Variants in RGS8 observed in about 807,000 individuals in gnomAD.
RGS8 encodes the protein regulator of G-protein signaling 8.
RGS8 carries 8 observed loss-of-function variants against 21.7 expected under a neutral mutation model. The observed-to-expected ratio is 0.37, with a 90% confidence interval of 0.22 to 0.66. The LOEUF (loss-of-function observed/expected upper bound fraction) is 0.66, where lower values mean the gene tolerates loss of function less well. Among genes scored for constraint, RGS8 ranks in the 30% least tolerant of loss-of-function variants. RGS8 has a pLI of 0.59. For missense variants in RGS8, 157 were observed against 217.9 expected (o/e 0.72, Z 1.76); for synonymous variants, 80 against 83.6 (o/e 0.96, Z 0.24).
At chr1:182,651,981 C>T (rs947216723) in intron 5 of RGS8, among the ~76,000 whole-genome samples, 1 of 152,192 alleles carries the variant, frequency 6.6e-6, no homozygotes, top group Non-Finnish European at 1.5e-5. Flanking sequence ...CCTGAGGGTC[C>T]GTAGGCCAGA....
At chr1:182,747,345 G>A in the RGS8 span, among the ~76,000 whole-genome samples, 2 of 152,006 alleles carry the variant, frequency 1.3e-5, no homozygotes, top group Non-Finnish European at 1.5e-5. Flanking sequence ...GCTTTTTCAA[G>A]GAGAAAAAGT....
chr1:182,724,672 C>T, the RGS8 span, among the ~76,000 whole-genome samples: 1 of 152,170 alleles, frequency 6.6e-6, no homozygotes, highest in South Asian at 2.1e-4. Flanking sequence ...ATTCTCCTGC[C>T]TCAGCCTTCC....
the RGS8 span, among the ~76,000 whole-genome samples, chr1:182,751,016 T>G: frequency 1.3e-5 from 2 of 152,140 alleles, no homozygotes; most frequent in African/African-American, 4.8e-5. Context: ...GGATAACATT[T>G]TGATGGAGAA....
chr1:182,705,811 T>C, the RGS8 span, among the ~76,000 whole-genome samples: 29 of 152,108 alleles, frequency 1.9e-4, no homozygotes, highest in Admixed American at 3.9e-4. Flanking sequence ...TGCCCCTGAC[T>C]CAGCAAGGGA....
the RGS8 span, among the ~76,000 whole-genome samples, chr1:182,734,133 C>T: frequency 1.3e-5 from 2 of 151,908 alleles, no homozygotes; most frequent in African/African-American, 4.8e-5. Flanking sequence ...GTTGACCAGG[C>T]TGGTCTCGAA....
the RGS8 span, among the ~76,000 whole-genome samples, chr1:182,727,238 C>A: frequency 6.6e-6 from 1 of 152,220 alleles, no homozygotes; most frequent in East Asian, 1.9e-4. Context: ...GGACAAATAA[C>A]TTAACCTCTC....
At chr1:182,732,343 C>T in the RGS8 span, among the ~76,000 whole-genome samples, 2 of 150,954 alleles carry the variant, frequency 1.3e-5, no homozygotes, top group African/African-American at 2.4e-5. Flanking sequence ...GCTCTGAATC[C>T]TTTTCTAGGC....
chr1:182,720,037 A>T, the RGS8 span, among the ~76,000 whole-genome samples: 2 of 152,196 alleles, frequency 1.3e-5, no homozygotes, highest in South Asian at 2.1e-4. Flanking sequence ...ATATGTTTAG[A>T]TGATTCTCTT....
At chr1:182,750,372 C>T in the RGS8 span, among the ~76,000 whole-genome samples, 1 of 152,298 alleles carries the variant, frequency 6.6e-6, no homozygotes, top group African/African-American at 2.4e-5. Flanking sequence ...CCCATCTTTA[C>T]ATCAACAATA....
At chr1:182,672,956 T>C (rs1664234039), upstream of RGS8, 1 of 1,078,734 alleles carries the variant, frequency 9.3e-7, no homozygotes, top group Non-Finnish European at 1.4e-6. Flanking sequence ...GAAATGCAAA[T>C]GTTCAGGCCC....
At chr1:182,746,260 A>G in the RGS8 span, among the ~76,000 whole-genome samples, 1 of 152,246 alleles carries the variant, frequency 6.6e-6, no homozygotes, top group African/African-American at 2.4e-5. Context: ...TTAACTAAGA[A>G]CTTTTCTAAT....
At chr1:182,679,583 C>T (rs1664475088) in intron 1 of RGS8, among the ~76,000 whole-genome samples, 1 of 152,108 alleles carries the variant, frequency 6.6e-6, no homozygotes, top group Non-Finnish European at 1.5e-5. Context: ...ATAGTCCTAA[C>T]TACATTGGGT....
chr1:182,735,607 G>C, the RGS8 span, among the ~76,000 whole-genome samples: 38 of 152,202 alleles, frequency 2.5e-4, no homozygotes, highest in Non-Finnish European at 1.3e-4. Flanking sequence ...GAGGGCCCTG[G>C]TGGAAGCAGG....
chr1:182,663,084 G>A (rs1360898598), intron 5 of RGS8, among the ~76,000 whole-genome samples: 1 of 152,076 alleles, frequency 6.6e-6, no homozygotes, highest in African/African-American at 2.4e-5. Flanking sequence ...AGTCATTCAG[G>A]GATTCTTCAC....
intron 3 of RGS8, 129 bp from the exon 5 acceptor site, chr1:182,667,102 A>G: frequency 1.4e-6 from 1 of 722,522 alleles, no homozygotes; most frequent in Non-Finnish European, 2.5e-6. Flanking sequence ...GTGGTCTCTG[A>G]AGACTTCATG....
the RGS8 span, among the ~76,000 whole-genome samples, chr1:182,716,051 C>A: frequency 9.9e-5 from 15 of 151,926 alleles, no homozygotes; most frequent in African/African-American, 3.6e-4. Flanking sequence ...CCCTGTACTT[C>A]AAATCATCTC....
chr1:182,750,732 A>T, the RGS8 span, among the ~76,000 whole-genome samples: 1 of 151,796 alleles, frequency 6.6e-6, no homozygotes, highest in Non-Finnish European at 1.5e-5. Flanking sequence ...AAAGAAGAAC[A>T]ATTTATAGCC....
the RGS8 span, among the ~76,000 whole-genome samples, chr1:182,721,420 T>C: frequency 6.6e-6 from 1 of 152,168 alleles, no homozygotes; most frequent in Non-Finnish European, 1.5e-5. Context: ...AAAATATTTA[T>C]CTTAATTCTG....
Position 182,671,750 on chromosome 1 carries a change from T to A in RGS8, c.-177-20A>T. Reference sequence around the variant, plus strand: ...GGTGTTCTGGGGAAAAAGTAGATCTTTCTTTTAGCAGTCAAATCCTCGGCG... The same window carrying A: ...GGTGTTCTGGGGAAAAAGTAGATCTATCTTTTAGCAGTCAAATCCTCGGCG... On this transcript the variant is annotated intron_variant, in intron 1 of 6. Transcript: ENST00000483095. The A allele has an allele frequency of 6.2e-7, 1 of 1,613,914 alleles. No individual in the cohort carries two copies. The highest frequency in any genetic ancestry group is 8.5e-7 in the Non-Finnish European group (1 of 1,179,864).
Sources: gnomAD v4.1 joint callset for allele counts (sites outside exome capture counted in the v4.1 genomes callset) on GRCh38, gnomAD v4.1.1 for gene constraint, MANE v1.5 for transcripts, NCBI Gene and HGNC (gene_info 2026-07-23, HGNC 2026-07-21) for gene names.